Variants in COPS7B observed in about 807,000 individuals in gnomAD.
The protein encoded by COPS7B is COP9 signalosome complex subunit 7b.
A neutral mutation model predicts 33.4 loss-of-function variants in COPS7B; 9 were observed. That is an observed-to-expected ratio of 0.27 (90% confidence interval 0.16 to 0.47). The LOEUF (loss-of-function observed/expected upper bound fraction) is 0.47. Among genes scored for constraint, COPS7B ranks in the 20% least tolerant of loss-of-function variants. The pLI is 0.99. For synonymous variants in COPS7B, 119 were observed against 126.3 expected (o/e 0.94, Z 0.39); for missense variants, 242 against 318.2 (o/e 0.76, Z 1.82).
At chr2:231,794,648 A>C (rs148366245) in intron 4 of COPS7B, among the ~76,000 whole-genome samples, 1 of 152,346 alleles carries the variant, frequency 6.6e-6, no homozygotes, top group Non-Finnish European at 1.5e-5. Context: ...ACATTTTTCA[A>C]ATAGCAAGGC....
intron 6 of COPS7B, among the ~76,000 whole-genome samples, chr2:231,801,501 G>A (rs903239599): frequency 3.9e-5 from 6 of 152,094 alleles, no homozygotes; most frequent in African/African-American, 1.4e-4. Flanking sequence ...GAGTGCAGTG[G>A]TGCAAACACA....
Position 231,808,835 on chromosome 2 carries a change from G to GTGTGTGTGTGTT in COPS7B, c.*1197_*1198insGTGTTTGTGTGT, listed in dbSNP as rs2049973404. ...TGTGTGTGTGTGTGTGTGTGTGTGT[G>GTGTGTGTGTGTT]TGTGTGTTTGTAGGTCCTGGACTGA... On this transcript the variant is annotated 3_prime_UTR_variant, in exon 7 of 7. Coordinates refer to ENST00000350033, the MANE Select transcript of COPS7B (RefSeq NM_022730.4). 4.1e-6 allele frequency: 1 copy of GTGTGTGTGTGTT among 245,878 alleles called. No homozygotes were observed. The highest frequency in any genetic ancestry group is 8.0e-6 in the Non-Finnish European group (1 of 125,182). The allele number at this position is 245,878 out of a possible 1,614,324, so 15.2% of individuals were successfully genotyped here. A position where few individuals can be genotyped will look rare whatever the true frequency, so the allele number is the denominator to read the frequency against.
rs2049972566 is a variant in COPS7B at position 231,808,827 on chromosome 2, G to GTGTC, written c.*1185_*1186insCTGT. On this transcript the variant is annotated 3_prime_UTR_variant, in exon 7 of 7. Transcript: ENST00000350033. ...TGTGTGTGTGTGTGTGTGTGTGTGTGTGTGTGTGTGTGTGTTTGTAGGTCC... is the reference window on the plus strand; with the variant it reads ...TGTGTGTGTGTGTGTGTGTGTGTGTGTGTCTGTGTGTGTGTGTGTTTGTAGGTCC... 1 of 250,222 alleles carries GTGTC rather than the reference G, an allele frequency of 4.0e-6. No homozygotes were observed. The highest frequency in any genetic ancestry group is 5.4e-5 in the Admixed American group (1 of 18,530). The allele number at this position is 250,222 out of a possible 1,614,324, so 15.5% of individuals were successfully genotyped here. A position where few individuals can be genotyped will look rare whatever the true frequency, so the allele number is the denominator to read the frequency against.
At chr2:231,797,888 T>G (rs1301435674) in intron 5 of COPS7B, among the ~76,000 whole-genome samples, 1 of 152,184 alleles carries the variant, frequency 6.6e-6, no homozygotes, top group Non-Finnish European at 1.5e-5. Context: ...AGGAAATCTT[T>G]TTTTGTTTGT....
At chr2:231,795,914 G>C (rs900643077) in intron 4 of COPS7B, among the ~76,000 whole-genome samples, 192 bp from the exon 5 acceptor site, 4 of 152,198 alleles carry the variant, frequency 2.6e-5, no homozygotes, top group African/African-American at 9.7e-5. Context: ...CCAGGAGGTT[G>C]CTTTCTTAGA....
At chr2:231,794,004 C>T in intron 3 of COPS7B, 1 of 456,792 alleles carries the variant, frequency 2.2e-6, no homozygotes, top group Non-Finnish European at 4.0e-6. Flanking sequence ...AATAGTACTC[C>T]ATTAAGATAA....
chr2:231,793,704 C>T (rs1166282034), intron 3 of COPS7B: 1 of 152,342 alleles, frequency 6.6e-6, no homozygotes, highest in African/African-American at 2.4e-5. Flanking sequence ...TCTCTTACCC[C>T]TGTCTCCTCC....
chr2:231,788,468 G>T, intron 1 of COPS7B, 87 bp from the exon 2 acceptor site: 1 of 1,228,058 alleles, frequency 8.1e-7, no homozygotes. Context: ...TAAAAGTAAA[G>T]TATTCTGGTG....
At chr2:231,782,307 G>C (rs1019491300), upstream of COPS7B, among the ~76,000 whole-genome samples, 1 of 152,202 alleles carries the variant, frequency 6.6e-6, no homozygotes. Context: ...CCCAGAATTA[G>C]GTAGCATTTA....
intron 3 of COPS7B, among the ~76,000 whole-genome samples, chr2:231,792,556 TG>T (rs1435864989): frequency 6.6e-6 from 1 of 152,234 alleles, no homozygotes; most frequent in Non-Finnish European, 1.5e-5. Context: ...TGGACTTTTT[TG>T]TGCCCCTTAT....
intron 3 of COPS7B, chr2:231,793,721 C>T (rs1474109554): frequency 6.6e-6 from 1 of 152,456 alleles, no homozygotes; most frequent in East Asian, 1.9e-4. Context: ...CTCCCCATCC[C>T]TCTCCTCCTC....
intron 6 of COPS7B, among the ~76,000 whole-genome samples, chr2:231,801,718 T>C (rs1424556635): frequency 3.3e-5 from 5 of 150,808 alleles, no homozygotes; most frequent in African/African-American, 9.7e-5. Context: ...TCCTCCCACC[T>C]CTGGCTCCCT....
chr2:231,802,070 C>T (rs558634317), intron 6 of COPS7B, among the ~76,000 whole-genome samples: 29 of 152,264 alleles, frequency 1.9e-4, no homozygotes, highest in African/African-American at 6.3e-4. Flanking sequence ...CCACCGCGCC[C>T]GGCCTCATTT....
chr2:231,787,157 TTC>T (rs2049274319), intron 1 of COPS7B, among the ~76,000 whole-genome samples: 1 of 152,178 alleles, frequency 6.6e-6, no homozygotes, highest in African/African-American at 2.4e-5. Flanking sequence ...TCCTCTCCCC[TTC>T]TCTTTTCCCT....
At chr2:231,802,231 T>A (rs2049770948) in intron 6 of COPS7B, among the ~76,000 whole-genome samples, 1 of 152,094 alleles carries the variant, frequency 6.6e-6, no homozygotes, top group South Asian at 2.1e-4. Flanking sequence ...ATGTAGAAAA[T>A]CTCCTAGGAG....
intron 6 of COPS7B, among the ~76,000 whole-genome samples, chr2:231,802,902 A>G (rs921807537): frequency 6.6e-6 from 1 of 152,190 alleles, no homozygotes; most frequent in Non-Finnish European, 1.5e-5. Context: ...TCTGTAATGG[A>G]TCCCAGTGTG....
chr2:231,793,369 A>T (rs1340915603), intron 3 of COPS7B: 5 of 152,220 alleles, frequency 3.3e-5, no homozygotes, highest in African/African-American at 1.2e-4. Flanking sequence ...AGAAAAAATC[A>T]GTTTGGATAT....
intron 2 of COPS7B, 78 bp from the exon 3 acceptor site, chr2:231,791,655 C>T (rs1472830858): frequency 8.1e-7 from 1 of 1,230,928 alleles, no homozygotes; most frequent in Non-Finnish European, 1.2e-6. Context: ...TTGACACATG[C>T]TCACCCGTCC....
chr2:231,790,061 T>G (rs1013383396), intron 2 of COPS7B: 15 of 152,214 alleles, frequency 9.9e-5, no homozygotes, highest in African/African-American at 3.6e-4. Context: ...TGACACACAG[T>G]AGGCTTTCAA....
Sources: gnomAD v4.1 joint callset for allele counts (sites outside exome capture counted in the v4.1 genomes callset) on GRCh38, gnomAD v4.1.1 for gene constraint, MANE v1.5 for transcripts, NCBI Gene and HGNC (gene_info 2026-07-23, HGNC 2026-07-21) for gene names.